PHF20L1: variants seen among roughly 807,000 people sequenced by gnomAD.
The protein encoded by PHF20L1 is PHD finger protein 20-like protein 1.
Under a neutral mutation model 125.5 loss-of-function variants are expected in PHF20L1, and 44 were observed. That is an observed-to-expected ratio of 0.35 (90% confidence interval 0.28 to 0.45). The LOEUF (loss-of-function observed/expected upper bound fraction) is 0.45, where lower values mean the gene tolerates loss of function less well. PHF20L1 is among the 20% of genes least tolerant of loss of function. The pLI, the probability that PHF20L1 is intolerant of heterozygous loss-of-function variation, is 1.00. For synonymous variants in PHF20L1, 380 were observed against 403.1 expected (o/e 0.94, Z 0.69); for missense variants, 1,012 against 1,217.2 (o/e 0.83, Z 2.51).
chr8:132,798,987 A>C (rs1832726813), intron 5 of PHF20L1, 108 bp from the exon 6 acceptor site: 1 of 1,116,860 alleles, frequency 9.0e-7, no homozygotes, highest in South Asian at 1.4e-5. Flanking sequence ...GATAGCCCCA[A>C]ATAGCAGCAA....
At chr8:132,801,843 A>T (rs144895708) in intron 6 of PHF20L1, among the ~76,000 whole-genome samples, 2 of 151,896 alleles carry the variant, frequency 1.3e-5, no homozygotes, top group East Asian at 3.9e-4. Context: ...CATGCAAGTC[A>T]TATGATTGAA....
intron 1 of PHF20L1, among the ~76,000 whole-genome samples, chr8:132,777,587 T>C (rs2131280592): frequency 6.6e-6 from 1 of 152,352 alleles, no homozygotes; most frequent in East Asian, 1.9e-4. Context: ...TCTTAAATCA[T>C]TATCAAGATT....
intron 12 of PHF20L1, 189 bp downstream of exon 12, chr8:132,817,734 CAT>C (rs754830291): frequency 1.8e-5 from 10 of 558,700 alleles, no homozygotes; most frequent in Non-Finnish European, 3.2e-5. Flanking sequence ...ATTTTACAAT[CAT>C]ATTCCCTGGA....
intron 15 of PHF20L1, among the ~76,000 whole-genome samples, chr8:132,835,063 A>G (rs1837196461): frequency 6.6e-6 from 1 of 152,166 alleles, no homozygotes; most frequent in African/African-American, 2.4e-5. Context: ...TTTAAAGTTC[A>G]AATCTGTTCA....
intron 12 of PHF20L1, 71 bp from the exon 13 acceptor site, chr8:132,823,933 T>A (rs776807813): frequency 2.4e-6 from 2 of 848,660 alleles, no homozygotes; most frequent in Non-Finnish European, 3.8e-6. Context: ...TGAGCAATTG[T>A]AATGTAAAAT....
chr8:132,843,891 TC>T, intron 19 of PHF20L1: 1 of 985,306 alleles, frequency 1.0e-6, no homozygotes, highest in Non-Finnish European at 1.2e-6. Context: ...ATTAGTGACT[TC>T]ATTTATTTAG....
chr8:132,811,919 A>C, intron 9 of PHF20L1: 3 of 977,192 alleles, frequency 3.1e-6, no homozygotes, highest in Non-Finnish European at 3.6e-6. Flanking sequence ...CTAATAAAGA[A>C]GACTTTGAGT....
chr8:132,789,615 T>G (rs766632232), intron 2 of PHF20L1, among the ~76,000 whole-genome samples: 13 of 152,144 alleles, frequency 8.5e-5, no homozygotes, highest in Non-Finnish European at 1.6e-4. Context: ...GAGTGAATTA[T>G]TTTTCTTGTT....
At chr8:132,830,712 A>G (rs1836677758) in intron 14 of PHF20L1, among the ~76,000 whole-genome samples, 1 of 152,226 alleles carries the variant, frequency 6.6e-6, no homozygotes, top group East Asian at 1.9e-4. Flanking sequence ...CTCTATTAAA[A>G]TGGAGGGAAT....
At chr8:132,818,472 A>T (rs1307794610) in intron 12 of PHF20L1, 6 of 151,918 alleles carry the variant, frequency 3.9e-5, no homozygotes, top group Non-Finnish European at 5.9e-5. Context: ...TTTTCTGGTG[A>T]TGGCATGTAT....
chr8:132,802,807 TTTG>T (rs1226311834), intron 6 of PHF20L1, among the ~76,000 whole-genome samples: 3 of 151,922 alleles, frequency 2.0e-5, no homozygotes, highest in Non-Finnish European at 4.4e-5. Context: ...TTTGCTTATA[TTTG>T]TTAATGTAAA....
intron 12 of PHF20L1, among the ~76,000 whole-genome samples, chr8:132,821,814 C>G (rs977740717): frequency 1.3e-5 from 2 of 151,696 alleles, no homozygotes; most frequent in African/African-American, 4.8e-5. Context: ...TTTGTTGTTG[C>G]GTTTTGTATT....
Position 132,799,102 on chromosome 8 carries a change from C to T in PHF20L1, c.437C>T (p.Ser146Phe). 1 of 1,609,408 alleles carries T rather than the reference C, an allele frequency of 6.2e-7. No homozygotes were observed. The highest frequency in any genetic ancestry group is 1.7e-5 in the Admixed American group (1 of 59,694). The part of the protein sequence containing the change: ...MPEDAKGQVK[S>F]QHPLSWCCPI... ...CACTAGTTTCTGTTCCAGGTGAAAT[C>T]CCAGCATCCACTAAGCTGGTGTTGT... Residue 146 changes from serine to phenylalanine, a missense_variant, in exon 6 of 21, where the codon TCC becomes TTC. Physicochemically the swap from Ser to Phe is radical, Grantham distance 155. Around this residue, in one of 7 missense-constraint regions of PHF20L1, gnomAD observed 134 missense variants for 145.9 expected, o/e 0.92. Coordinates refer to ENST00000395386, the MANE Select transcript of PHF20L1 (RefSeq NM_016018.5).
chr8:132,800,883 TG>T (rs1399272154), intron 6 of PHF20L1, among the ~76,000 whole-genome samples: 1 of 151,538 alleles, frequency 6.6e-6, no homozygotes, highest in African/African-American at 2.4e-5. Context: ...TTTTTCTCAC[TG>T]GGAAAGAAGG....
At chr8:132,779,222 T>C (rs187755171) in intron 2 of PHF20L1, among the ~76,000 whole-genome samples, 2 of 152,234 alleles carry the variant, frequency 1.3e-5, no homozygotes, top group Admixed American at 1.3e-4. Flanking sequence ...TAGGAGGGGT[T>C]TGGGAAGTAC....
chr8:132,776,563 C>T (rs757312371), intron 1 of PHF20L1, among the ~76,000 whole-genome samples: 4 of 152,162 alleles, frequency 2.6e-5, no homozygotes, highest in Non-Finnish European at 5.9e-5. Flanking sequence ...CCCACTCTCC[C>T]CCTCCAACCA....
rs1002650068 is a variant in PHF20L1, at chr8:132,836,692, A to T, written c.2062A>T (p.Met688Leu). 1.2e-6 allele frequency: 2 copies of T among 1,612,836 alleles called. No individual in the cohort carries two copies. The highest frequency in any genetic ancestry group is 1.7e-6 in the Non-Finnish European group (2 of 1,179,164). ...TGAAATTGTGCGATGTATTTGTGAG[A>T]TGGATGAGGAGAATGGCTTCATGAT... ...LNEIVRCICE[M>L]DEENGFMIQC... The change falls in exon 16 of 21, where the codon ATG becomes TTG. Residue 688 changes from methionine (M) to leucine (L), a missense_variant. Met to Leu is a conservative substitution (Grantham distance 15). Transcript: ENST00000395386.
intron 2 of PHF20L1, among the ~76,000 whole-genome samples, chr8:132,790,915 A>G (rs1831616614): frequency 6.6e-6 from 1 of 152,038 alleles, no homozygotes; most frequent in Non-Finnish European, 1.5e-5. Context: ...GTATACACTT[A>G]CCAGTTTTAC....
At chr8:132,825,893 G>A (rs889128176) in intron 14 of PHF20L1, among the ~76,000 whole-genome samples, 1 of 152,054 alleles carries the variant, frequency 6.6e-6, no homozygotes, top group Non-Finnish European at 1.5e-5. Flanking sequence ...TCCAGAGGGA[G>A]CACTTCCTTG....
Sources: allele counts gnomAD v4.1 joint callset (sites outside exome capture counted in the v4.1 genomes callset), GRCh38; gene constraint gnomAD v4.1.1; regional missense constraint gnomAD v4.1.1; transcripts MANE v1.5; gene names NCBI Gene and HGNC (gene_info 2026-07-23, HGNC 2026-07-21).